PLEKHG1: variants seen among roughly 807,000 people sequenced by gnomAD.
PLEKHG1 encodes pleckstrin homology domain-containing family G member 1.
In PLEKHG1, 44 loss-of-function variants were observed where a neutral mutation model predicts 100.8. That is an observed-to-expected ratio of 0.44 (90% confidence interval 0.34 to 0.56). The LOEUF (loss-of-function observed/expected upper bound fraction) is 0.56, where lower values mean the gene tolerates loss of function less well. Ranked by LOEUF, PLEKHG1 falls within the 20% of genes least tolerant of loss-of-function variation. The probability of loss-of-function intolerance (pLI) is 0.01; values close to 1 mark genes in which losing one functional copy is unlikely to be tolerated. For synonymous variants in PLEKHG1, 640 were observed against 662.5 expected (o/e 0.97, Z 0.52); for missense variants, 1,545 against 1,720.9 (o/e 0.90, Z 1.81).
intron 2 of PLEKHG1, among the ~76,000 whole-genome samples, chr6:150,650,320 C>G (rs1456707085): frequency 1.3e-5 from 2 of 152,172 alleles, no homozygotes; most frequent in Non-Finnish European, 2.9e-5. Flanking sequence ...TTCATGGCCT[C>G]GCGTTTTCTC....
chr6:150,611,498 T>A (rs1194668843), intron 1 of PLEKHG1, among the ~76,000 whole-genome samples: 1 of 151,510 alleles, frequency 6.6e-6, no homozygotes, highest in African/African-American at 2.4e-5. Flanking sequence ...TGGCTTACTT[T>A]TAGTTGCCGT....
chr6:150,616,406 G>C (rs944656005), intron 1 of PLEKHG1, among the ~76,000 whole-genome samples: 2 of 152,208 alleles, frequency 1.3e-5, no homozygotes, highest in Non-Finnish European at 2.9e-5. Context: ...TGTGGCAGTT[G>C]GGAGGGAGGC....
chr6:150,782,848 GT>G (rs1785393324), intron 3 of PLEKHG1, among the ~76,000 whole-genome samples: 1 of 152,138 alleles, frequency 6.6e-6, no homozygotes, highest in African/African-American at 2.4e-5. Flanking sequence ...CATGATTGAC[GT>G]TGTGGCTCAT....
At chr6:150,717,391 G>A (rs1363418195), upstream of PLEKHG1, among the ~76,000 whole-genome samples, 1 of 151,884 alleles carries the variant, frequency 6.6e-6, no homozygotes, top group African/African-American at 2.4e-5. Context: ...GCTCACTCTG[G>A]TCTCGAACTT....
chr6:150,799,105 G>T (rs1583154146), intron 5 of PLEKHG1, among the ~76,000 whole-genome samples: 1 of 152,178 alleles, frequency 6.6e-6, no homozygotes, highest in East Asian at 1.9e-4. Context: ...TAGCAGAGAG[G>T]TACTCAAAAG....
intron 3 of PLEKHG1, among the ~76,000 whole-genome samples, chr6:150,653,612 G>C (rs894019707): frequency 6.6e-6 from 1 of 152,064 alleles, no homozygotes; most frequent in Non-Finnish European, 1.5e-5. Flanking sequence ...TCAGCTGGAC[G>C]TGGTGGTGAG....
exon 8 of PLEKHG1, chr6:150,809,113 G>C: frequency 6.2e-7 from 1 of 1,613,776 alleles, no homozygotes; most frequent in Non-Finnish European, 8.5e-7. Context: ...AGGAGATACA[G>C]AGTTTGCTCA....
At chr6:150,832,194 G>T (rs746599124) in exon 15 of PLEKHG1, 50 of 1,593,582 alleles carry the variant, frequency 3.1e-5, no homozygotes, top group Non-Finnish European at 4.3e-5. Flanking sequence ...AAGCAAGGAG[G>T]GCCCGCCATT....
intron 4 of PLEKHG1, among the ~76,000 whole-genome samples, chr6:150,790,895 C>T (rs1022786516): frequency 6.6e-6 from 1 of 152,026 alleles, no homozygotes; most frequent in Non-Finnish European, 1.5e-5. Context: ...TGGTGGCAGG[C>T]GCCTGTATTC....
At chr6:150,618,460 T>G (rs1777154730) in intron 1 of PLEKHG1, among the ~76,000 whole-genome samples, 1 of 152,228 alleles carries the variant, frequency 6.6e-6, no homozygotes, top group Non-Finnish European at 1.5e-5. Context: ...TGTGGAAATA[T>G]TCCCACTGTG....
upstream of PLEKHG1, among the ~76,000 whole-genome samples, chr6:150,718,194 CTG>C (rs1781513241): frequency 6.6e-6 from 1 of 152,188 alleles, no homozygotes; most frequent in South Asian, 2.1e-4. Flanking sequence ...ATACCAGCAT[CTG>C]TGCCTTTTGT....
chr6:150,683,961 G>T lies in PLEKHG1; in HGVS notation c.-99+33175G>T. 2.1e-6 allele frequency: 1 copy of T among 469,120 alleles called. No homozygotes were observed. The highest frequency in any genetic ancestry group is 3.6e-6 in the Non-Finnish European group (1 of 281,092). The allele number at this position is 469,120 out of a possible 1,614,324, so 29.1% of individuals were successfully genotyped here. A position where few individuals can be genotyped will look rare whatever the true frequency, so the allele number is the denominator to read the frequency against. On this transcript the variant is annotated intron_variant, in intron 3 of 3. Coordinates refer to the PLEKHG1 transcript ENST00000367326. This position sits in a 1 kb window ranked among gnomAD's most constrained non-coding sequence, Gnocchi z 4.0. ...GCAGTGGCAAGTAGTGGGTTTCATG[G>T]AAGGATAAAAGTATCAGGCAGCCTC...
At chr6:150,645,725 A>G (rs1467033636) in intron 2 of PLEKHG1, among the ~76,000 whole-genome samples, 1 of 152,194 alleles carries the variant, frequency 6.6e-6, no homozygotes, top group East Asian at 1.9e-4. Context: ...TATAATTACA[A>G]TTGTGTAGCA....
intron 2 of PLEKHG1, among the ~76,000 whole-genome samples, chr6:150,646,984 A>T (rs1778529335): frequency 1.3e-5 from 2 of 152,090 alleles, no homozygotes; most frequent in South Asian, 2.1e-4. Context: ...TTCTCCCCTC[A>T]CTTTGTTTCC....
intron 2 of PLEKHG1, among the ~76,000 whole-genome samples, chr6:150,748,615 C>CTTTTTT (rs746682669): frequency 8.5e-6 from 1 of 118,196 alleles, no homozygotes. Flanking sequence ...TACCTTTGAC[C>CTTTTTT]TTTTTTTTTT....
At chr6:150,703,355 C>G (rs1050923100) in intron 3 of PLEKHG1, among the ~76,000 whole-genome samples, 1 of 152,102 alleles carries the variant, frequency 6.6e-6, no homozygotes, top group Non-Finnish European at 1.5e-5. Context: ...AATCCCAGCA[C>G]TTTGGGAGAC....
intron 10 of PLEKHG1, among the ~76,000 whole-genome samples, chr6:150,811,979 C>T (rs561264904): frequency 3.3e-5 from 5 of 152,252 alleles, no homozygotes; most frequent in East Asian, 3.9e-4. Context: ...GCAGTGCTGC[C>T]GTGGAGCCAC....
chr6:150,642,050 G>T (rs1778292894), intron 2 of PLEKHG1, among the ~76,000 whole-genome samples: 1 of 150,350 alleles, frequency 6.7e-6, no homozygotes, highest in South Asian at 2.1e-4. Flanking sequence ...TAAATAAATG[G>T]GTGAATACAA....
chr6:150,785,965 C>T (rs1294837362), intron 3 of PLEKHG1, among the ~76,000 whole-genome samples: 1 of 151,846 alleles, frequency 6.6e-6, no homozygotes, highest in Non-Finnish European at 1.5e-5. Flanking sequence ...AGTTGTCTTC[C>T]ACGAAACTGA....
Sources: allele counts gnomAD v4.1 joint callset (sites outside exome capture counted in the v4.1 genomes callset), GRCh38; gene constraint gnomAD v4.1.1; non-coding constraint Gnocchi (gnomAD v3.1); transcripts MANE v1.5; gene names NCBI Gene and HGNC (gene_info 2026-07-23, HGNC 2026-07-21).